Variants in DRC11 observed in about 807,000 individuals in gnomAD.
DRC11 encodes dynein regulatory complex subunit 11.
At chr2:236,367,786 C>T in the DRC11 span, 1 of 221,456 alleles carries the variant, frequency 4.5e-6, no homozygotes, top group East Asian at 1.4e-4. The surrounding 1 kb of genome is among the most constrained non-coding windows in gnomAD (Gnocchi z 4.8). Flanking sequence ...TCCTTTAGAT[C>T]CATGAAACAC....
chr2:236,357,004 A>ATATTCATATATTATATATT, the DRC11 span, among the ~76,000 whole-genome samples: 2 of 95,022 alleles, frequency 2.1e-5, no homozygotes, highest in Admixed American at 1.2e-4. Context: ...ATATATTTAT[A>ATATTCATATATTATATATT]TATTCATATA....
chr2:236,424,444 A>T, the DRC11 span, among the ~76,000 whole-genome samples: 1 of 152,190 alleles, frequency 6.6e-6, no homozygotes, highest in Non-Finnish European at 1.5e-5. Context: ...AAGAGTAATT[A>T]TACATAAATA....
chr2:236,484,572 A>G, the DRC11 span, among the ~76,000 whole-genome samples: 6 of 151,798 alleles, frequency 4.0e-5, no homozygotes, highest in African/African-American at 1.5e-4. Context: ...GAATATCTGT[A>G]TATTGTATAC....
chr2:236,333,893 T>C, the DRC11 span, among the ~76,000 whole-genome samples: 2 of 152,094 alleles, frequency 1.3e-5, no homozygotes, highest in African/African-American at 4.8e-5. This position sits in a 1 kb window ranked among gnomAD's most constrained non-coding sequence, Gnocchi z 6.0. Flanking sequence ...TGTGGACAAT[T>C]AGGCATCAAG....
the DRC11 span, among the ~76,000 whole-genome samples, chr2:236,466,068 GT>G: frequency 4.6e-5 from 7 of 151,950 alleles, no homozygotes; most frequent in South Asian, 4.1e-4. Flanking sequence ...ATCTTCTCAA[GT>G]TTTTTATCTA....
the DRC11 span, among the ~76,000 whole-genome samples, chr2:236,489,031 A>AGCTCCGGGTGCATGCTGAGGCCTTTATGG: frequency 2.3e-5 from 1 of 43,820 alleles, no homozygotes; most frequent in Non-Finnish European, 4.3e-5. Flanking sequence ...GGCCTGTGTG[A>AGCTCCGGGTGCATGCTGAGGCCTTTATGG]GCTCCGGGTG....
the DRC11 span, chr2:236,503,626 A>T: frequency 6.5e-7 from 1 of 1,549,636 alleles, no homozygotes; most frequent in African/African-American, 1.4e-5. The surrounding 1 kb of genome is among the most constrained non-coding windows in gnomAD (Gnocchi z 4.9). Flanking sequence ...TCCCTGCATC[A>T]TTACCTGTTT....
At chr2:236,404,939 T>A in the DRC11 span, among the ~76,000 whole-genome samples, 1 of 152,186 alleles carries the variant, frequency 6.6e-6, no homozygotes, top group Non-Finnish European at 1.5e-5. Flanking sequence ...CTTCTAGCCA[T>A]GTCTTCACTC....
the DRC11 span, chr2:236,377,055 C>T: frequency 8.0e-7 from 1 of 1,254,026 alleles, no homozygotes; most frequent in Non-Finnish European, 1.2e-6. The surrounding 1 kb of genome is among the most constrained non-coding windows in gnomAD (Gnocchi z 4.9). Context: ...TTTCAAAACA[C>T]AAGAGGTGAC....
At chr2:236,423,812 C>T in the DRC11 span, among the ~76,000 whole-genome samples, 6 of 152,050 alleles carry the variant, frequency 3.9e-5, no homozygotes, top group Non-Finnish European at 8.8e-5. Context: ...AAATGTCCAA[C>T]AACGATAGAC....
At chr2:236,324,487 A>C in the DRC11 span, 1 of 482,728 alleles carries the variant, frequency 2.1e-6, no homozygotes, top group Admixed American at 3.4e-5. This position sits in a 1 kb window ranked among gnomAD's most constrained non-coding sequence, Gnocchi z 5.7. Context: ...TGGGAAAGGC[A>C]TAACAGCACA....
chr2:236,310,862 A>C, the DRC11 span, among the ~76,000 whole-genome samples: 1 of 152,218 alleles, frequency 6.6e-6, no homozygotes, highest in East Asian at 1.9e-4. The surrounding 1 kb of genome is among the most constrained non-coding windows in gnomAD (Gnocchi z 5.5). Flanking sequence ...GAATGCTTTG[A>C]AGTCTGTGGC....
chr2:236,396,012 T>A, the DRC11 span, among the ~76,000 whole-genome samples: 1 of 152,188 alleles, frequency 6.6e-6, no homozygotes. Flanking sequence ...GTTGCAATTA[T>A]ATTTAAAATA....
At chr2:236,484,600 C>CTTT in the DRC11 span, among the ~76,000 whole-genome samples, 28 of 137,510 alleles carry the variant, frequency 2.0e-4, 1 homozygote, top group African/African-American at 6.9e-4. Context: ...ATATTCTTGG[C>CTTT]TTTTTTTTTT....
chr2:236,503,625 CATT>C, the DRC11 span: 171 of 1,550,072 alleles, frequency 1.1e-4, 3 homozygotes, highest in South Asian at 1.9e-3. The surrounding 1 kb of genome is among the most constrained non-coding windows in gnomAD (Gnocchi z 4.9). Context: ...ATCCCTGCAT[CATT>C]ACCTGTTTTC....
the DRC11 span, among the ~76,000 whole-genome samples, chr2:236,496,664 C>T: frequency 6.6e-6 from 1 of 152,150 alleles, no homozygotes; most frequent in African/African-American, 2.4e-5. This position sits in a 1 kb window ranked among gnomAD's most constrained non-coding sequence, Gnocchi z 6.3. Context: ...CACATGAGCT[C>T]TCCTTTGATG....
the DRC11 span, among the ~76,000 whole-genome samples, chr2:236,457,219 C>T: frequency 6.6e-6 from 1 of 152,082 alleles, no homozygotes; most frequent in African/African-American, 2.4e-5. This position sits in a 1 kb window ranked among gnomAD's most constrained non-coding sequence, Gnocchi z 4.7. Context: ...CCACTAGCAA[C>T]AAGGGGCCAT....
At chr2:236,445,634 C>T in the DRC11 span, among the ~76,000 whole-genome samples, 1 of 152,076 alleles carries the variant, frequency 6.6e-6, no homozygotes, top group Non-Finnish European at 1.5e-5. This position sits in a 1 kb window ranked among gnomAD's most constrained non-coding sequence, Gnocchi z 4.8. Context: ...GCCACTCCGC[C>T]TGGGCTATTT....
the DRC11 span, chr2:236,507,359 G>A: frequency 1.5e-6 from 2 of 1,364,980 alleles, no homozygotes; most frequent in African/African-American, 1.4e-5. Flanking sequence ...GGCACTACCA[G>A]GAGCTACAGA....
Sources: allele counts gnomAD v4.1 joint callset (sites outside exome capture counted in the v4.1 genomes callset), GRCh38; gene constraint gnomAD v4.1.1; non-coding constraint Gnocchi (gnomAD v3.1); transcripts MANE v1.5; gene names NCBI Gene and HGNC (gene_info 2026-07-23, HGNC 2026-07-21).